Variants in CACNA1D observed in about 807,000 individuals in gnomAD.
CACNA1D encodes the protein calcium voltage-gated channel subunit alpha1 D.
In CACNA1D, 55 loss-of-function variants were observed where a neutral mutation model predicts 257.1. The ratio of observed to expected loss-of-function variants is 0.21; its 90% CI spans 0.17 to 0.27. The LOEUF (loss-of-function observed/expected upper bound fraction) is 0.27, where lower values mean the gene tolerates loss of function less well. Among genes scored for constraint, CACNA1D ranks in the 10% least tolerant of loss-of-function variants. The pLI, the probability that CACNA1D is intolerant of heterozygous loss-of-function variation, is 1.00. For missense variants in CACNA1D, 1,876 were observed against 2,784.0 expected, an observed-to-expected ratio of 0.67 and a Z score of 7.34; for synonymous variants, 980 against 1,014.9, an observed-to-expected ratio of 0.97 and a Z score of 0.65.
rs918000898 is a variant in CACNA1D at position 53,789,894 on chromosome 3, A to G, written c.4923+2942A>G. On this transcript the variant is annotated intron_variant, in intron 40 of 47. Transcript: ENST00000350061. The surrounding 1 kb of genome is among the most constrained non-coding windows in gnomAD (Gnocchi z 4.2). Reference sequence around the variant, plus strand: ...TCTCCCTGTGTTCAGACCAACTGCAATGCTGCCTCCCACATGAAGGGGAAT... The same window carrying G: ...TCTCCCTGTGTTCAGACCAACTGCAGTGCTGCCTCCCACATGAAGGGGAAT... Among the ~76,000 whole-genome samples the G allele has an allele frequency of 3.1e-4, 47 of 152,290 alleles. No individual in the cohort carries two copies. Among genetic ancestry groups the G allele is most frequent in the African/African-American group, 7.7e-4 (32 of 41,572 alleles).
chr3:53,533,353 G>A (rs1348488029), intron 3 of CACNA1D, among the ~76,000 whole-genome samples: 2 of 152,150 alleles, frequency 1.3e-5, no homozygotes, highest in African/African-American at 2.4e-5. Flanking sequence ...TGGGAGGAGA[G>A]GGCCATTCGG....
At chr3:53,646,077 C>T (rs953397893) in intron 3 of CACNA1D, among the ~76,000 whole-genome samples, 7 of 152,124 alleles carry the variant, frequency 4.6e-5, no homozygotes, top group Non-Finnish European at 8.8e-5. Context: ...GGCAGGCACC[C>T]TTGGTGGATA....
intron 2 of CACNA1D, 49 bp downstream of exon 2, chr3:53,497,510 G>GTT: frequency 6.3e-7 from 1 of 1,585,610 alleles, no homozygotes; most frequent in African/African-American, 1.3e-5. Context: ...TTTACCATCT[G>GTT]TTTTTTAAAA....
chr3:53,564,856 G>T (rs1473714681), intron 3 of CACNA1D, among the ~76,000 whole-genome samples: 1 of 152,156 alleles, frequency 6.6e-6, no homozygotes, highest in Admixed American at 6.5e-5. Context: ...GCTGTTTAAG[G>T]AATTCTTAAG....
chr3:53,795,062 A>C (rs1240966485), intron 40 of CACNA1D, among the ~76,000 whole-genome samples: 1 of 152,140 alleles, frequency 6.6e-6, no homozygotes. Context: ...GGAGGCATGG[A>C]GCTGCCTGTG....
intron 3 of CACNA1D, among the ~76,000 whole-genome samples, chr3:53,593,789 G>T (rs557063876): frequency 2.6e-5 from 4 of 152,266 alleles, no homozygotes; most frequent in African/African-American, 7.2e-5. Context: ...CAACTAGCAC[G>T]TGGGCAGAAG....
At chr3:53,526,194 C>T (rs950244719) in intron 3 of CACNA1D, among the ~76,000 whole-genome samples, 6 of 152,204 alleles carry the variant, frequency 3.9e-5, no homozygotes, top group South Asian at 2.1e-4. Context: ...GCACTGCTGA[C>T]GTGGGGCCAG....
At chr3:53,553,626 C>G (rs371115340) in intron 3 of CACNA1D, among the ~76,000 whole-genome samples, 1 of 152,078 alleles carries the variant, frequency 6.6e-6, no homozygotes, top group African/African-American at 2.4e-5. Flanking sequence ...GTAACCAGAA[C>G]CATTTTCTTT....
chr3:53,710,344 G>T (rs1024193251), intron 9 of CACNA1D: 26 of 449,030 alleles, frequency 5.8e-5, no homozygotes, highest in African/African-American at 5.2e-4. Flanking sequence ...TTTGGCTGCT[G>T]TTGCTGCCCT....
At chr3:53,684,156 TTCTG>T (rs2094454847) in intron 8 of CACNA1D, among the ~76,000 whole-genome samples, 1 of 152,114 alleles carries the variant, frequency 6.6e-6, no homozygotes. Flanking sequence ...GGAAAAACGA[TTCTG>T]TATGAAGCAA....
intron 3 of CACNA1D, among the ~76,000 whole-genome samples, chr3:53,609,254 C>CA (rs1455085981): frequency 6.6e-6 from 1 of 151,786 alleles, no homozygotes; most frequent in Non-Finnish European, 1.5e-5. Flanking sequence ...ACTAAAAATA[C>CA]AAAAAATTAG....
At chr3:53,675,822 C>G (rs562881373) in intron 8 of CACNA1D, among the ~76,000 whole-genome samples, 1 of 152,286 alleles carries the variant, frequency 6.6e-6, no homozygotes, top group South Asian at 2.1e-4. Flanking sequence ...GGAAATGACA[C>G]ATGAAATTAT....
In CACNA1D at chr3:53,753,646, C is replaced by G. The variant is rs772270451; in HGVS notation, c.3750C>G (p.Val1250=). The change falls in exon 29 of 48, where the codon GTC becomes GTG. Residue 1250 remains valine, a synonymous_variant. Transcript: ENST00000350061. ...LNMVFTGVFT[V]EMVLKVIAFK... ...TGGTCTTCACCGGGGTGTTCACCGT[C>G]GAGATGGTTTTGAAAGTCATCGCAT... 2 of 1,613,228 alleles carry G rather than the reference C, an allele frequency of 1.2e-6. No individual in the cohort carries two copies. Among genetic ancestry groups the G allele is most frequent in the African/African-American group, 2.7e-5 (2 of 74,938 alleles).
chr3:53,635,027 T>G (rs1363567436), intron 3 of CACNA1D, among the ~76,000 whole-genome samples: 1 of 152,122 alleles, frequency 6.6e-6, no homozygotes, highest in East Asian at 1.9e-4. Flanking sequence ...ATGTTAAAAA[T>G]TACAGCCTCG....
At chr3:53,510,222 C>G (rs748849172) in intron 3 of CACNA1D, among the ~76,000 whole-genome samples, 1 of 152,162 alleles carries the variant, frequency 6.6e-6, no homozygotes, top group Non-Finnish European at 1.5e-5. Flanking sequence ...GTGTCCCTTC[C>G]GAATTGTTTT....
chr3:53,799,637 A>C (rs1387376351), intron 40 of CACNA1D, among the ~76,000 whole-genome samples: 1 of 152,230 alleles, frequency 6.6e-6, no homozygotes, highest in Non-Finnish European at 1.5e-5. Flanking sequence ...CCTGATGACC[A>C]CGGTGGCCGG....
rs2090312766 is a variant in CACNA1D, at chr3:53,495,677, C to T, written c.67+444C>T. On this transcript the variant is annotated intron_variant, in intron 1 of 47. Transcript: ENST00000350061. This position sits in a 1 kb window ranked among gnomAD's most constrained non-coding sequence, Gnocchi z 5.1. ...GGTCCCTGGTGGCATCCGGAAAATT[C>T]TAGGATTGCCCGGTTTCGCCCTCCG... Among the ~76,000 whole-genome samples, 1 of 152,252 alleles carries T rather than the reference C, an allele frequency of 6.6e-6. No individual in the cohort carries two copies. The highest frequency in any genetic ancestry group is 2.1e-4 in the South Asian group (1 of 4,836).
rs1180346920 is a variant in CACNA1D, at chr3:53,732,992, C to T, written c.2621+30C>T. 1.9e-6 allele frequency: 3 copies of T among 1,612,578 alleles called. No individual in the cohort carries two copies. In the African/African-American group the frequency reaches 4.0e-5, roughly 22 times the overall value. ...ATACTCCCCTTCTAGTCTCTCACGG[C>T]TGCCTCTTGCCAGTGACCCTACAGG... On this transcript the variant is annotated intron_variant, in intron 19 of 47. Transcript: ENST00000350061.
chr3:53,702,771 G>A lies in CACNA1D; in HGVS notation c.1351G>A (p.Glu451Lys). ...CACCCAAGCTGAGGACATCGATCCGGAGAATGAGGAAGAAGGAGGAGAGGA... is the reference window on the plus strand; with the variant it reads ...CACCCAAGCTGAGGACATCGATCCGAAGAATGAGGAAGAAGGAGGAGAGGA... ...WITQAEDIDPENEEEGGEEGK... is the reference protein window; with the variant it reads ...WITQAEDIDPKNEEEGGEEGK... Residue 451 changes from glutamate to lysine, a missense_variant, in exon 9 of 48, where the codon GAG becomes AAG. By Grantham distance (56) the Glu-to-Lys change is moderately conservative. Transcript: ENST00000350061. The A allele has an allele frequency of 6.2e-7, 1 of 1,614,270 alleles. No homozygotes were observed. The highest frequency in any genetic ancestry group is 1.1e-5 in the South Asian group (1 of 91,092).
Sources: allele counts gnomAD v4.1 joint callset (sites outside exome capture counted in the v4.1 genomes callset), GRCh38; gene constraint gnomAD v4.1.1; non-coding constraint Gnocchi (gnomAD v3.1); transcripts MANE v1.5; gene names NCBI Gene and HGNC (gene_info 2026-07-23, HGNC 2026-07-21).